Variants in DNAH6 observed in about 807,000 individuals in gnomAD.
DNAH6 encodes the protein dynein axonemal heavy chain 6.
DNAH6 carries 340 observed loss-of-function variants against 491.4 expected under a neutral mutation model. The observed-to-expected ratio is 0.69, with a 90% CI of 0.63 to 0.76. The LOEUF is 0.76. DNAH6 is among the 30% of genes least tolerant of loss of function. The pLI is 0.00. For missense variants in DNAH6, 4,443 were observed against 4,972.2 expected, an observed-to-expected ratio of 0.89 and a Z score of 3.20; for synonymous variants, 1,603 against 1,686.1, an observed-to-expected ratio of 0.95 and a Z score of 1.21.
intron 37 of DNAH6, among the ~76,000 whole-genome samples, chr2:84,660,001 A>G (rs1377186929): frequency 6.6e-6 from 1 of 152,172 alleles, no homozygotes; most frequent in Non-Finnish European, 1.5e-5. Flanking sequence ...AAGTAAATGT[A>G]TGAAAATTGA....
intron 33 of DNAH6, among the ~76,000 whole-genome samples, chr2:84,649,914 T>C (rs924189201): frequency 6.6e-6 from 1 of 152,168 alleles, no homozygotes; most frequent in Admixed American, 6.6e-5. Context: ...CCTGCACATG[T>C]ACCCCAGAAC....
Position 84,584,221 on chromosome 2 carries a change from G to C in DNAH6, c.2452G>C (p.Glu818Gln). 1 of 1,613,996 alleles carries C rather than the reference G, an allele frequency of 6.2e-7. No homozygotes were observed. Among genetic ancestry groups the C allele is most frequent in the Non-Finnish European group, 8.5e-7 (1 of 1,179,950 alleles). ...TAGTGATCTTGAAGAATTAAACAAC[G>C]AAGTGAATGAAGTAAAACTGCAAGC... is the stretch of plus-strand genomic sequence containing the variant. ...LGSDLEELNN[E>Q]VNEVKLQAQD... Residue 818 changes from glutamate (E) to glutamine (Q), a missense_variant, in exon 15 of 77, where the codon GAA becomes CAA. This residue lies in a region of DNAH6 where 2,977 missense variants were observed against 3,296.6 expected (regional missense o/e 0.90). Transcript: ENST00000389394.
At chr2:84,736,562 G>A (rs1419507953) in intron 62 of DNAH6, among the ~76,000 whole-genome samples, 2 of 151,902 alleles carry the variant, frequency 1.3e-5, no homozygotes, top group African/African-American at 4.8e-5. Flanking sequence ...TCACTTCCTT[G>A]GTTAGATGTG....
intron 37 of DNAH6, among the ~76,000 whole-genome samples, chr2:84,667,522 A>G (rs917850062): frequency 2.0e-5 from 3 of 152,226 alleles, no homozygotes; most frequent in African/African-American, 4.8e-5. Context: ...ACTGGCCATC[A>G]GACAAATGCA....
intron 61 of DNAH6, among the ~76,000 whole-genome samples, chr2:84,731,869 T>A (rs551956058): frequency 6.6e-6 from 1 of 152,226 alleles, no homozygotes; most frequent in South Asian, 2.1e-4. Context: ...GGGCCCAAAT[T>A]TGAATGTTTT....
chr2:84,781,500 T>C lies in DNAH6; in HGVS notation c.10711T>C (p.Ser3571Pro), dbSNP rs1000098744. The change falls in exon 65 of 77, where the codon TCA (serine) becomes CCA (proline). Residue 3571 changes from serine (S) to proline (P), a missense_variant. Physicochemically the swap from Ser to Pro is moderately conservative, Grantham distance 74. Transcript: ENST00000389394. ...RESGYSERVQ[S>P]ISLGQGQGPI... Reference sequence around the variant, plus strand: ...TCTTGCTGTTCAATTCAGGGTGCAGTCAATTTCACTGGGGCAAGGACAAGG... The same window carrying C: ...TCTTGCTGTTCAATTCAGGGTGCAGCCAATTTCACTGGGGCAAGGACAAGG... 1.3e-6 allele frequency: 2 copies of C among 1,549,350 alleles called. No individual in the cohort carries two copies. Among genetic ancestry groups the C allele is most frequent in the African/African-American group, 2.7e-5 (2 of 72,994 alleles).
At chr2:84,582,665 G>T (rs1049077951) in intron 14 of DNAH6, among the ~76,000 whole-genome samples, 4 of 152,106 alleles carry the variant, frequency 2.6e-5, no homozygotes, top group Non-Finnish European at 5.9e-5. Context: ...TGTTAGCCAG[G>T]ATGGTCTTGA....
intron 68 of DNAH6, among the ~76,000 whole-genome samples, chr2:84,792,335 T>A (rs938893023): frequency 3.9e-5 from 6 of 152,210 alleles, no homozygotes; most frequent in African/African-American, 1.4e-4. Flanking sequence ...AGAAGGTATT[T>A]TGTACTTTAA....
At chr2:84,502,308 T>G in the DNAH6 span, among the ~76,000 whole-genome samples, 1 of 152,188 alleles carries the variant, frequency 6.6e-6, no homozygotes, top group Non-Finnish European at 1.5e-5. Flanking sequence ...TTGTTTACTT[T>G]CCACCTATTT....
At chr2:84,673,760 CT>C (rs1373098735) in intron 40 of DNAH6, among the ~76,000 whole-genome samples, 11 of 152,196 alleles carry the variant, frequency 7.2e-5, no homozygotes, top group Non-Finnish European at 1.3e-4. Flanking sequence ...TCTTTTCACA[CT>C]TTTCTGCCTC....
At chr2:84,699,936 A>G (rs1695733167) in intron 48 of DNAH6, among the ~76,000 whole-genome samples, 1 of 147,002 alleles carries the variant, frequency 6.8e-6, no homozygotes, top group African/African-American at 2.7e-5. Flanking sequence ...TGAATTTAGC[A>G]ATGTGGAAGT....
rs1199448859 is a variant in DNAH6, at chr2:84,658,463, A to C, written c.5929A>C (p.Asn1977His). ...ESLILGKDGVNLAMEQTKLNT... is the reference protein window; with the variant it reads ...ESLILGKDGVHLAMEQTKLNT... The stretch of plus-strand genomic sequence containing the variant: ...CTTGATACTTGGGAAAGATGGAGTT[A>C]ACTTGGCAATGGTATGAAGAGTTTT... The change falls in exon 36 of 77, where the codon AAC becomes CAC. Residue 1977 changes from asparagine to histidine, a missense_variant. By Grantham distance (68) the Asn-to-His change is moderately conservative. This residue lies in a region of DNAH6 where 2,977 missense variants were observed against 3,296.6 expected (regional missense o/e 0.90). Transcript: ENST00000389394. 3 of 1,514,022 alleles carry C rather than the reference A, an allele frequency of 2.0e-6. No individual in the cohort carries two copies. 93.8% of individuals were successfully genotyped at this position (1,514,022 alleles called of 1,614,324 possible).
chr2:84,591,871 A>C (rs1395848627), intron 16 of DNAH6, among the ~76,000 whole-genome samples: 1 of 151,194 alleles, frequency 6.6e-6, no homozygotes, highest in Non-Finnish European at 1.5e-5. Flanking sequence ...TCTCTTCAAC[A>C]AACGGTGTTA....
chr2:84,486,315 A>G, the DNAH6 span, among the ~76,000 whole-genome samples: 2 of 152,220 alleles, frequency 1.3e-5, no homozygotes, highest in Non-Finnish European at 2.9e-5. Context: ...CTTAAAAGCC[A>G]CCAGTGGGGA....
chr2:84,651,003 C>T (rs1336691713), intron 33 of DNAH6, among the ~76,000 whole-genome samples: 1 of 152,166 alleles, frequency 6.6e-6, no homozygotes, highest in Admixed American at 6.5e-5. Flanking sequence ...TTATTGATAT[C>T]TGGTGGGAGC....
At chr2:84,601,185 A>G (rs2104252424) in intron 18 of DNAH6, among the ~76,000 whole-genome samples, 1 of 151,532 alleles carries the variant, frequency 6.6e-6, no homozygotes, top group South Asian at 2.1e-4. Context: ...AAATGATGGG[A>G]GAATATCAAA....
intron 13 of DNAH6, among the ~76,000 whole-genome samples, chr2:84,579,078 G>C (rs1682757778): frequency 6.6e-6 from 1 of 152,108 alleles, no homozygotes; most frequent in South Asian, 2.1e-4. Flanking sequence ...GTTCTTTATA[G>C]TAGCGTGAAA....
intron 67 of DNAH6, among the ~76,000 whole-genome samples, chr2:84,786,243 C>T (rs1315854395): frequency 2.0e-5 from 3 of 151,928 alleles, no homozygotes; most frequent in Non-Finnish European, 4.4e-5. Context: ...CTGGGCAACA[C>T]AGCGAAACCC....
chr2:84,560,956 G>A (rs998117554), intron 11 of DNAH6, among the ~76,000 whole-genome samples: 26 of 151,432 alleles, frequency 1.7e-4, no homozygotes, highest in African/African-American at 5.6e-4. Context: ...ATGATTTATA[G>A]TCCTTTGGGT....
Sources: allele counts gnomAD v4.1 joint callset (sites outside exome capture counted in the v4.1 genomes callset), GRCh38; gene constraint gnomAD v4.1.1; regional missense constraint gnomAD v4.1.1; transcripts MANE v1.5; gene names NCBI Gene and HGNC (gene_info 2026-07-23, HGNC 2026-07-21).